ASTN2: variants seen among roughly 807,000 people sequenced by gnomAD.
ASTN2 encodes the protein astrotactin 2.
ASTN2 carries 54 observed loss-of-function variants against 139.8 expected under a neutral mutation model. That is an observed-to-expected ratio of 0.39 (90% confidence interval 0.31 to 0.48). The LOEUF (loss-of-function observed/expected upper bound fraction) is 0.48, where lower values mean the gene tolerates loss of function less well. Among genes scored for constraint, ASTN2 ranks in the 20% least tolerant of loss-of-function variants. ASTN2 has a pLI of 0.95. For synonymous variants in ASTN2, 756 were observed against 719.5 expected (o/e 1.05, Z -0.81); for missense variants, 1,565 against 1,725.1 (o/e 0.91, Z 1.64).
At chr9:117,344,885 T>C (rs1315667994) in intron 1 of ASTN2, among the ~76,000 whole-genome samples, 1 of 152,178 alleles carries the variant, frequency 6.6e-6, no homozygotes, top group African/African-American at 2.4e-5. Context: ...CCCTGATGTA[T>C]TTTTCATCCA....
At chr9:116,730,156 G>GT (rs141699994) in intron 14 of ASTN2, among the ~76,000 whole-genome samples, 1 of 152,100 alleles carries the variant, frequency 6.6e-6, no homozygotes, top group Non-Finnish European at 1.5e-5. Flanking sequence ...TATTATTACT[G>GT]TTTTTATGTA....
rs186950051 is a variant in ASTN2, at chr9:116,423,445, C to A, written c.*2406G>T. ...TCAGGCTCAGATCACCACACCAGCA[C>A]ATTGAGTGCTGTAATTTTCTGCAAC... On this transcript the variant is annotated 3_prime_UTR_variant, in exon 23 of 23. Coordinates refer to ENST00000313400, the MANE Select transcript of ASTN2 (RefSeq NM_001365068.1). Among the ~76,000 whole-genome samples, 2 of 152,152 alleles carry A rather than the reference C, an allele frequency of 1.3e-5. No individual in the cohort carries two copies. The highest frequency in any genetic ancestry group is 2.4e-5 in the African/African-American group (1 of 41,442).
intron 3 of ASTN2, among the ~76,000 whole-genome samples, chr9:117,178,235 T>C (rs75231776): frequency 1.3e-5 from 2 of 152,308 alleles, no homozygotes; most frequent in Admixed American, 6.5e-5. Flanking sequence ...CAAATGTCCA[T>C]GCTCTCCACT....
intron 1 of ASTN2, among the ~76,000 whole-genome samples, chr9:117,370,715 T>C (rs555614118): frequency 1.3e-5 from 2 of 152,240 alleles, no homozygotes; most frequent in Admixed American, 1.3e-4. Context: ...AACTCTTTTT[T>C]TTCCCCCTAG....
At chr9:116,922,418 A>G (rs1315440280) in intron 10 of ASTN2, among the ~76,000 whole-genome samples, 5 of 152,112 alleles carry the variant, frequency 3.3e-5, no homozygotes, top group Non-Finnish European at 7.4e-5. Flanking sequence ...TCATAGACTC[A>G]GGGGGCAATT....
chr9:117,119,255 A>G (rs1829480632), intron 4 of ASTN2, among the ~76,000 whole-genome samples: 1 of 152,244 alleles, frequency 6.6e-6, no homozygotes, highest in Non-Finnish European at 1.5e-5. Context: ...ATACTTTTGG[A>G]AACTCACCTG....
chr9:117,375,389 T>A (rs1830095264), intron 1 of ASTN2, among the ~76,000 whole-genome samples: 1 of 152,210 alleles, frequency 6.6e-6, no homozygotes, highest in African/African-American at 2.4e-5. Context: ...GTTTTCTCCA[T>A]TTGACTACAC....
rs373997778 is a variant in ASTN2, at chr9:116,863,676, G to A, written c.1947C>T (p.Phe649=). ...TCCGAGAGCAGTCACGAACTGGCCC[G>A]AAGGAAGACAGCAGGTCATTGATGG... ...FETINDLLSS[F]GPVRDCSRNN... Residue 649 remains phenylalanine, a synonymous_variant, in exon 11 of 23, where the codon TTC becomes TTT. Transcript: ENST00000313400. 2.0e-5 allele frequency: 33 copies of A among 1,614,054 alleles called. No individual in the cohort carries two copies. The highest frequency in any genetic ancestry group is 2.0e-4 in the African/African-American group (15 of 74,936).
chr9:117,003,432 G>T (rs886668553), intron 7 of ASTN2, among the ~76,000 whole-genome samples: 2 of 151,844 alleles, frequency 1.3e-5, no homozygotes, highest in East Asian at 3.9e-4. Flanking sequence ...TGTGATCTTC[G>T]TCCTGTCCCC....
chr9:116,684,056 C>G (rs1564203995), intron 16 of ASTN2, among the ~76,000 whole-genome samples: 1 of 152,188 alleles, frequency 6.6e-6, no homozygotes, highest in African/African-American at 2.4e-5. Flanking sequence ...ATGTCACTTT[C>G]TAACAGGCCC....
intron 10 of ASTN2, among the ~76,000 whole-genome samples, chr9:116,960,202 T>C (rs370908857): frequency 2.0e-5 from 3 of 152,238 alleles, no homozygotes; most frequent in East Asian, 3.9e-4. Context: ...CTGGACCATC[T>C]AAGCCAGGCT....
Position 116,890,521 on chromosome 9 carries a change from C to T in ASTN2, c.1890-26788G>A, listed in dbSNP as rs896772511. Among the ~76,000 whole-genome samples, 6 of 152,192 alleles carry T rather than the reference C, an allele frequency of 3.9e-5. No individual in the cohort carries two copies. In the South Asian group the frequency reaches 1.2e-3, roughly 32 times the overall value. ...AATTTCATTCTTTGCCCCCTAACCA[C>T]GTTTAAATAAATGACATCCAAGTAC... is the stretch of plus-strand genomic sequence containing the variant. On this transcript the variant is annotated intron_variant, in intron 10 of 22. Transcript: ENST00000313400.
chr9:116,890,274 C>T (rs559528824), intron 10 of ASTN2, among the ~76,000 whole-genome samples: 8 of 152,310 alleles, frequency 5.3e-5, no homozygotes, highest in African/African-American at 1.9e-4. Flanking sequence ...TTTGGGGATT[C>T]ATCTGGCCAT....
At chr9:117,173,455 C>A (rs1206633328) in intron 3 of ASTN2, among the ~76,000 whole-genome samples, 1 of 152,086 alleles carries the variant, frequency 6.6e-6, no homozygotes, top group Non-Finnish European at 1.5e-5. Context: ...GTTTCTCAAA[C>A]ACACAGAAAC....
intron 4 of ASTN2, among the ~76,000 whole-genome samples, chr9:117,122,038 C>T (rs752970248): frequency 3.9e-5 from 6 of 152,128 alleles, no homozygotes; most frequent in Non-Finnish European, 7.4e-5. Flanking sequence ...AACCATATCA[C>T]CTGTAGGATA....
chr9:116,567,285 G>A (rs1291383983), intron 19 of ASTN2, among the ~76,000 whole-genome samples: 1 of 152,220 alleles, frequency 6.6e-6, no homozygotes, highest in African/African-American at 2.4e-5. Context: ...GTTGTCCTCA[G>A]GAGCCAGACA....
chr9:116,745,043 C>G (rs1260204376), intron 13 of ASTN2, among the ~76,000 whole-genome samples: 2 of 152,206 alleles, frequency 1.3e-5, no homozygotes, highest in Non-Finnish European at 2.9e-5. Context: ...ACCATGGCTG[C>G]AAAGTTGCTT....
At chr9:116,830,392 CT>C (rs1163285676) in intron 11 of ASTN2, among the ~76,000 whole-genome samples, 1 of 139,146 alleles carries the variant, frequency 7.2e-6, no homozygotes, top group Non-Finnish European at 1.5e-5. Flanking sequence ...TGAGCACAAC[CT>C]TTAAGGAAGA....
At position 117,128,084 on chromosome 9, in the gene ASTN2, C is replaced by G. The variant is rs559581227; in HGVS notation, c.1168+13242G>C. Among the ~76,000 whole-genome samples the G allele has an allele frequency of 3.6e-4, 55 of 152,210 alleles. No individual in the cohort carries two copies. In the South Asian group the frequency reaches 7.5e-3, roughly 21 times the overall value. On this transcript the variant is annotated intron_variant, in intron 4 of 22. Transcript: ENST00000313400. ...AGGGAGTGAAAGCTGTCTTCTTGCA[C>G]TGAGTCAGTTCCTGGGTGGGGGCTA...
Sources: allele counts gnomAD v4.1 joint callset (sites outside exome capture counted in the v4.1 genomes callset), GRCh38; gene constraint gnomAD v4.1.1; transcripts MANE v1.5; gene names NCBI Gene and HGNC (gene_info 2026-07-23, HGNC 2026-07-21).